CDH8: variants seen among roughly 807,000 people sequenced by gnomAD.
CDH8 encodes the protein cadherin-8.
Under a neutral mutation model 68.1 loss-of-function variants are expected in CDH8, and 17 were observed. The ratio of observed to expected loss-of-function variants is 0.25; its 90% CI spans 0.17 to 0.37. The LOEUF (loss-of-function observed/expected upper bound fraction) is 0.37, where lower values mean the gene tolerates loss of function less well. Among genes scored for constraint, CDH8 ranks in the 10% least tolerant of loss-of-function variants. CDH8 has a pLI of 1.00. For missense variants in CDH8, 763 were observed against 999.3 expected (o/e 0.76, Z 3.19); for synonymous variants, 372 against 365.1 (o/e 1.02, Z -0.21).
intron 7 of CDH8, among the ~76,000 whole-genome samples, chr16:61,815,575 A>G (rs1396974407): frequency 6.6e-6 from 1 of 152,096 alleles, no homozygotes; most frequent in Admixed American, 6.6e-5. Flanking sequence ...CATGTAGTCC[A>G]TGTTGGGAGC....
In CDH8 at chr16:61,647,938, A is replaced by G. The variant is rs1003222881; in HGVS notation, c.*5670T>C. 8.9e-6 allele frequency: 6 copies of G among 675,642 alleles called. No homozygotes were observed. The highest frequency in any genetic ancestry group is 2.4e-4 in the Middle Eastern group (1 of 4,188). The allele number at this position is 675,642 out of a possible 1,614,324, so 41.9% of individuals were successfully genotyped here. ...ATTATCTATTAGTAGGGATACTTGC[A>G]AGAAATAATACTTGCATTCAAGATG... On this transcript the variant is annotated 3_prime_UTR_variant, in exon 12 of 12. Transcript: ENST00000577390.
chr16:62,026,046 G>C (rs1902191819), intron 1 of CDH8, among the ~76,000 whole-genome samples: 1 of 152,174 alleles, frequency 6.6e-6, no homozygotes, highest in African/African-American at 2.4e-5. Context: ...GCAATAGTTA[G>C]AGGCAGACTG....
In CDH8 at chr16:61,857,238, C is replaced by T. The variant is rs1015553385; in HGVS notation, c.548G>A (p.Gly183Asp). 1 of 1,610,450 alleles carries T rather than the reference C, an allele frequency of 6.2e-7. No individual in the cohort carries two copies. The highest frequency in any genetic ancestry group is 1.3e-5 in the African/African-American group (1 of 74,780). Residue 183 changes from glycine (G) to aspartate (D), a missense_variant and splice_region_variant, in exon 4 of 12, where the codon GGT becomes GAT. Gly to Asp is a moderately conservative substitution (Grantham distance 94). Around this residue, in one of 2 missense-constraint regions of CDH8, gnomAD observed 366 missense variants for 563.1 expected, o/e 0.65. Transcript: ENST00000577390. ...HATVPEMSIL[G>D]TSVTNVTATD... ...CGCAGTGACGTTAGTGACAGATGTA[C>T]CTAATAAAATAGAGAAAGAAAAAAG...
At chr16:61,945,799 G>A (rs926544851) in intron 2 of CDH8, among the ~76,000 whole-genome samples, 6 of 152,208 alleles carry the variant, frequency 3.9e-5, no homozygotes. Context: ...GGGGCAAGCT[G>A]TTTACAGGGA....
At chr16:61,711,797 C>G (rs1290762985) in intron 10 of CDH8, 1 of 151,610 alleles carries the variant, frequency 6.6e-6, no homozygotes, top group Non-Finnish European at 1.5e-5. Context: ...ATAAGGCAGT[C>G]CTGGTTTATG....
chr16:61,810,668 T>A (rs1427991396), intron 7 of CDH8, among the ~76,000 whole-genome samples: 1 of 152,232 alleles, frequency 6.6e-6, no homozygotes, highest in Non-Finnish European at 1.5e-5. Context: ...TTTTCCTCCA[T>A]GTGACCTTAA....
At chr16:61,969,710 C>G (rs573635475) in intron 2 of CDH8, among the ~76,000 whole-genome samples, 1 of 152,294 alleles carries the variant, frequency 6.6e-6, no homozygotes, top group Non-Finnish European at 1.5e-5. Flanking sequence ...TCCTGATCCC[C>G]TTACTAAATA....
intron 8 of CDH8, among the ~76,000 whole-genome samples, chr16:61,770,483 A>C (rs535963016): frequency 1.3e-5 from 2 of 151,990 alleles, no homozygotes; most frequent in East Asian, 3.9e-4. Flanking sequence ...TCTATTACTC[A>C]TTCCTAAAGC....
chr16:61,890,733 T>C lies in CDH8; in HGVS notation c.547+10446A>G, dbSNP rs140691505. 3.9e-3 allele frequency among the ~76,000 whole-genome samples: 589 copies of C among 152,286 alleles called. 5 individuals are homozygous for C. The highest frequency in any genetic ancestry group is 0.014 in the African/African-American group (566 of 41,566). ...TATTATCCCTTGTGAAATCAAGTGATGTTTTTCATCACATTTTCTTGTGAT... is the reference window on the plus strand; with the variant it reads ...TATTATCCCTTGTGAAATCAAGTGACGTTTTTCATCACATTTTCTTGTGAT... On this transcript the variant is annotated intron_variant, in intron 3 of 11. Coordinates refer to ENST00000577390, the MANE Select transcript of CDH8 (RefSeq NM_001796.5).
chr16:61,818,868 T>A (rs1962144184), intron 6 of CDH8, among the ~76,000 whole-genome samples: 1 of 151,596 alleles, frequency 6.6e-6, no homozygotes, highest in Non-Finnish European at 1.5e-5. Flanking sequence ...AGCTTAATTA[T>A]ATATTCTTAT....
chr16:61,885,086 A>T (rs2143155864), intron 3 of CDH8, among the ~76,000 whole-genome samples: 1 of 152,342 alleles, frequency 6.6e-6, no homozygotes, highest in Admixed American at 6.5e-5. Context: ...CTTAATTTCA[A>T]GCCTGTCTGG....
chr16:61,652,845 A>T lies in CDH8; in HGVS notation c.*763T>A. The stretch of plus-strand genomic sequence containing the variant: ...TGTAGTCCACTGTGTGATACAGTTT[A>T]TCTTTGTGTCCTTGTGGAAGAAGAT... On this transcript the variant is annotated 3_prime_UTR_variant, in exon 12 of 12. Transcript: ENST00000577390. 1 of 1,522,984 alleles carries T rather than the reference A, an allele frequency of 6.6e-7. No individual in the cohort carries two copies. The highest frequency in any genetic ancestry group is 8.8e-7 in the Non-Finnish European group (1 of 1,140,580). 94.3% of individuals were successfully genotyped at this position (1,522,984 alleles called of 1,614,324 possible).
At chr16:61,693,249 A>C (rs1033718207) in intron 10 of CDH8, 1 of 152,180 alleles carries the variant, frequency 6.6e-6, no homozygotes, top group African/African-American at 2.4e-5. Context: ...AGTATAAACT[A>C]GTTTGGGGAG....
chr16:61,979,116 C>T (rs563404297), intron 2 of CDH8, among the ~76,000 whole-genome samples: 14 of 150,744 alleles, frequency 9.3e-5, no homozygotes, highest in South Asian at 2.1e-4. Flanking sequence ...CCAGAAACAA[C>T]GGGCCAGAAG....
At chr16:61,727,907 T>C (rs373139789) in intron 8 of CDH8, among the ~76,000 whole-genome samples, 1 of 151,076 alleles carries the variant, frequency 6.6e-6, no homozygotes, top group African/African-American at 2.4e-5. Context: ...CCTCAATCCC[T>C]GAATCCTTAT....
chr16:61,983,649 G>A (rs1038150746), intron 2 of CDH8, among the ~76,000 whole-genome samples: 79 of 152,192 alleles, frequency 5.2e-4, no homozygotes, highest in African/African-American at 1.8e-3. Flanking sequence ...GTAAAATGCT[G>A]CTTAACTATA....
chr16:61,959,742 G>T (rs1965054382), intron 2 of CDH8, among the ~76,000 whole-genome samples: 1 of 149,240 alleles, frequency 6.7e-6, no homozygotes, highest in African/African-American at 2.5e-5. Flanking sequence ...ACATATGTAT[G>T]ATATCTATAT....
intron 8 of CDH8, among the ~76,000 whole-genome samples, chr16:61,750,830 AT>A (rs1479602343): frequency 2.0e-5 from 3 of 152,058 alleles, no homozygotes; most frequent in African/African-American, 7.2e-5. Context: ...TATCCAGGTG[AT>A]TTTTTTCATA....
intron 10 of CDH8, chr16:61,711,592 G>T (rs1964631121): frequency 6.6e-6 from 1 of 151,370 alleles, no homozygotes; most frequent in Non-Finnish European, 1.5e-5. Flanking sequence ...CTGTTTTACA[G>T]TACCTATTCA....
Sources: allele counts gnomAD v4.1 joint callset (sites outside exome capture counted in the v4.1 genomes callset), GRCh38; gene constraint gnomAD v4.1.1; regional missense constraint gnomAD v4.1.1; transcripts MANE v1.5; gene names NCBI Gene and HGNC (gene_info 2026-07-23, HGNC 2026-07-21).